PROS1: variants seen among roughly 807,000 people sequenced by gnomAD.
PROS1 encodes protein S, also known as vitamin K-dependent protein S.
A neutral mutation model predicts 75.9 loss-of-function variants in PROS1; 29 were observed. The ratio of observed to expected loss-of-function variants is 0.38; its 90% CI spans 0.28 to 0.52. The LOEUF is 0.52. Ranked by LOEUF, PROS1 falls within the 20% of genes least tolerant of loss-of-function variation. The probability of loss-of-function intolerance (pLI) is 0.83; values close to 1 mark genes in which losing one functional copy is unlikely to be tolerated. For synonymous variants in PROS1, 245 were observed against 280.6 expected (o/e 0.87, Z 1.27); for missense variants, 680 against 810.3 (o/e 0.84, Z 1.95).
rs1380530836 is a variant in PROS1, at chr3:93,877,139, C to T, written c.1697G>A (p.Ser566Asn). 2 of 1,612,210 alleles carry T rather than the reference C, an allele frequency of 1.2e-6. No homozygotes were observed. The highest frequency in any genetic ancestry group is 1.7e-6 in the Non-Finnish European group (2 of 1,178,472). ...NTVIYRIQAL[S>N]LCSDQQSHLE... ...ATGAGATTGTTGATCGGAACATAGA[C>T]TTAGGGCCTGTATCCGATATATTAC... Residue 566 changes from serine (S) to asparagine (N), a missense_variant, in exon 14 of 15, where the codon AGT becomes AAT. By Grantham distance (46) the Ser-to-Asn change is conservative (BLOSUM62 1). Transcript: ENST00000394236.
intron 1 of PROS1, among the ~76,000 whole-genome samples, chr3:93,932,334 C>A (rs1457299307): frequency 6.6e-6 from 1 of 152,174 alleles, no homozygotes; most frequent in South Asian, 2.1e-4. Flanking sequence ...ACACAGACAA[C>A]CAGCATCCAA....
chr3:93,934,188 A>G (rs1709148651), intron 1 of PROS1, among the ~76,000 whole-genome samples: 1 of 152,022 alleles, frequency 6.6e-6, no homozygotes, highest in Non-Finnish European at 1.5e-5. Context: ...ACATTAAAAA[A>G]AAAAAGGCTA....
Position 93,963,628 on chromosome 3 carries a change from A to G in PROS1, c.76+10046T>C, listed in dbSNP as rs531931968. Among the ~76,000 whole-genome samples, 6 of 152,314 alleles carry G rather than the reference A, an allele frequency of 3.9e-5. No homozygotes were observed. In the East Asian group the frequency reaches 1.2e-3, roughly 29 times the overall value. ...AGCATCTACTCCTGGTGAGGGCCTC[A>G]GGAAGCTTCCAATCATGGTAGAAGG... On this transcript the variant is annotated intron_variant, in intron 1 of 14. Transcript: ENST00000394236.
chr3:93,939,919 T>A (rs1709255886), intron 1 of PROS1, among the ~76,000 whole-genome samples: 1 of 151,714 alleles, frequency 6.6e-6, no homozygotes. Context: ...ATAATAGAGT[T>A]AGAGGCGGCC....
rs182712624 is a variant in PROS1 at position 93,885,627 on chromosome 3, G to C, written c.1323+709C>G. On this transcript the variant is annotated intron_variant, in intron 11 of 14. Transcript: ENST00000394236. ...GTTTGCATTCTTTAGCCTCCATCAAGTATCCTGCCAGGCTCAAGACATGTA... is the reference window on the plus strand; with the variant it reads ...GTTTGCATTCTTTAGCCTCCATCAACTATCCTGCCAGGCTCAAGACATGTA... 2.0e-3 allele frequency among the ~76,000 whole-genome samples: 308 copies of C among 152,254 alleles called. 2 individuals carry two copies. Among genetic ancestry groups the C allele is most frequent in the South Asian group, 0.015 (73 of 4,820 alleles).
intron 1 of PROS1, among the ~76,000 whole-genome samples, chr3:93,931,365 TA>T (rs1709102556): frequency 6.6e-6 from 1 of 152,240 alleles, no homozygotes; most frequent in Non-Finnish European, 1.5e-5. Flanking sequence ...ACAGTGAAAC[TA>T]AATTATAGAG....
chr3:93,949,119 T>C (rs528313768), intron 1 of PROS1, among the ~76,000 whole-genome samples: 2 of 152,330 alleles, frequency 1.3e-5, no homozygotes, highest in Admixed American at 6.5e-5. Flanking sequence ...ATTCCTAGAA[T>C]ACATCGCTGC....
rs532641819 is a variant in PROS1, at chr3:93,879,163, C to A, written c.1644G>T (p.Gln548His). ...TTATATAGGTTTAGAGTTAAGTTAC[C>A]TGTGATTTTTCAGAGGTGGAGTCCA... ...SLVDSTSEKS[Q>H]DILLSVENTV... is the part of the protein sequence containing the mutation. Residue 548 changes from glutamine to histidine, a missense_variant and splice_region_variant, in exon 13 of 15, where the codon CAG becomes CAT. Coordinates refer to ENST00000394236, the MANE Select transcript of PROS1 (RefSeq NM_000313.4). 1 of 1,613,678 alleles carries A rather than the reference C, an allele frequency of 6.2e-7. No homozygotes were observed. The highest frequency in any genetic ancestry group is 8.5e-7 in the Non-Finnish European group (1 of 1,179,822).
chr3:93,918,270 A>G (rs1324997489), intron 3 of PROS1, among the ~76,000 whole-genome samples: 3 of 152,128 alleles, frequency 2.0e-5, no homozygotes, highest in African/African-American at 7.2e-5. Flanking sequence ...CGCACCAATC[A>G]GCGCCCTGTC....
At chr3:93,910,526 C>T (rs1449684129) in intron 4 of PROS1, 93 bp downstream of exon 4, 1 of 1,028,984 alleles carries the variant, frequency 9.7e-7, no homozygotes, top group Non-Finnish European at 1.5e-6. Flanking sequence ...AGGATCATTT[C>T]TCAATTTTTA....
chr3:93,958,695 T>TCTCATGGTGGTG (rs1709650617), intron 1 of PROS1: 1 of 152,260 alleles, frequency 6.6e-6, no homozygotes, highest in Non-Finnish European at 1.5e-5. Context: ...TGGTGGTGAA[T>TCTCATGGTGGTG]AAGTCTCATG....
chr3:93,932,289 G>T (rs1199234619), intron 1 of PROS1, among the ~76,000 whole-genome samples: 3 of 152,186 alleles, frequency 2.0e-5, no homozygotes, highest in Non-Finnish European at 4.4e-5. Flanking sequence ...AAAATTTAAA[G>T]TTGAGTTAAT....
chr3:93,888,211 C>G (rs1188004769), intron 10 of PROS1, among the ~76,000 whole-genome samples: 1 of 152,122 alleles, frequency 6.6e-6, no homozygotes, highest in African/African-American at 2.4e-5. Flanking sequence ...CAGGAACTTC[C>G]CACCACTTTG....
chr3:93,944,569 G>A (rs1035879700), intron 1 of PROS1, among the ~76,000 whole-genome samples: 12 of 152,104 alleles, frequency 7.9e-5, no homozygotes, highest in South Asian at 4.1e-4. Context: ...GGTACATAAC[G>A]AAATGAAGGC....
intron 7 of PROS1, among the ~76,000 whole-genome samples, chr3:93,899,103 CAT>C (rs1454326881): frequency 2.0e-5 from 3 of 150,186 alleles, no homozygotes; most frequent in Non-Finnish European, 4.4e-5. Flanking sequence ...TTGGAACACT[CAT>C]AATGCGATAA....
intron 2 of PROS1, among the ~76,000 whole-genome samples, chr3:93,925,793 A>C (rs554539556): frequency 6.8e-6 from 1 of 147,836 alleles, no homozygotes; most frequent in East Asian, 2.1e-4. Context: ...ACTGCACTCT[A>C]GCCTGGGCAA....
chr3:93,885,388 G>A (rs1363152241), intron 11 of PROS1, among the ~76,000 whole-genome samples: 2 of 152,106 alleles, frequency 1.3e-5, no homozygotes, highest in Non-Finnish European at 2.9e-5. Context: ...ACCACGCCTG[G>A]CTAATTTTTG....
In PROS1 at chr3:93,964,803, C is replaced by T. The variant is rs999346420; in HGVS notation, c.76+8871G>A. Among the ~76,000 whole-genome samples, 5 of 152,238 alleles carry T rather than the reference C, an allele frequency of 3.3e-5. No homozygotes were observed. In the East Asian group the frequency reaches 7.7e-4, roughly 24 times the overall value. On this transcript the variant is annotated intron_variant, in intron 1 of 14. Coordinates refer to ENST00000394236, the MANE Select transcript of PROS1 (RefSeq NM_000313.4). ...TCCTACAGATACGTGGCGTCACCCCCGGAGGTGCAGCTGTAAAATTCCTCT... is the reference window on the plus strand; with the variant it reads ...TCCTACAGATACGTGGCGTCACCCCTGGAGGTGCAGCTGTAAAATTCCTCT...
At chr3:93,889,850 T>C (rs113732508) in intron 10 of PROS1, among the ~76,000 whole-genome samples, 1 of 152,084 alleles carries the variant, frequency 6.6e-6, no homozygotes, top group African/African-American at 2.4e-5. Context: ...TGTTTAACAA[T>C]ATGAAATCAG....
Sources: gnomAD v4.1 joint callset for allele counts (sites outside exome capture counted in the v4.1 genomes callset) on GRCh38, gnomAD v4.1.1 for gene constraint, MANE v1.5 for transcripts, NCBI Gene and HGNC (gene_info 2026-07-23, HGNC 2026-07-21) for gene names.